The following DPP6 variants were observed in gnomAD, a reference collection of about 807,000 sequenced individuals.
DPP6 encodes dipeptidyl peptidase like 6.
A neutral mutation model predicts 122.6 loss-of-function variants in DPP6; 69 were observed. The ratio of observed to expected loss-of-function variants is 0.56; its 90% CI spans 0.46 to 0.69. The LOEUF (loss-of-function observed/expected upper bound fraction) is 0.69. Ranked by LOEUF, DPP6 falls within the 30% of genes least tolerant of loss-of-function variation. The probability of loss-of-function intolerance (pLI) is 0.00; values close to 1 mark genes in which losing one functional copy is unlikely to be tolerated. For missense variants in DPP6, 928 were observed against 1,116.9 expected (o/e 0.83, Z 2.41); for synonymous variants, 418 against 433.1 (o/e 0.97, Z 0.43).
chr7:154,690,569 C>T (rs898687640), intron 7 of DPP6, among the ~76,000 whole-genome samples: 4 of 152,016 alleles, frequency 2.6e-5, no homozygotes, highest in Admixed American at 6.6e-5. Flanking sequence ...CAGCCTACAG[C>T]GAGAGAGGAA....
At chr7:153,915,701 A>G (rs1800276045) in intron 1 of DPP6, among the ~76,000 whole-genome samples, 1 of 152,212 alleles carries the variant, frequency 6.6e-6, no homozygotes, top group Non-Finnish European at 1.5e-5. Flanking sequence ...CCAGGGGTAC[A>G]GAAAGTCACC....
intron 1 of DPP6, among the ~76,000 whole-genome samples, chr7:154,253,105 G>T (rs992685192): frequency 4.6e-5 from 7 of 152,220 alleles, no homozygotes; most frequent in African/African-American, 1.7e-4. Flanking sequence ...CAAGGCCAAA[G>T]GGAGTGAGTG....
chr7:154,192,574 G>A (rs559424684), intron 1 of DPP6, among the ~76,000 whole-genome samples: 1 of 152,246 alleles, frequency 6.6e-6, no homozygotes, highest in Non-Finnish European at 1.5e-5. Context: ...CAGGGATAAA[G>A]TACTCTTGAA....
At chr7:153,857,475 A>C in the DPP6 span, among the ~76,000 whole-genome samples, 1 of 152,110 alleles carries the variant, frequency 6.6e-6, no homozygotes, top group Non-Finnish European at 1.5e-5. Context: ...CACTTGAAAA[A>C]TTTCCTCTCT....
chr7:153,774,236 A>C, the DPP6 span, among the ~76,000 whole-genome samples: 1 of 152,176 alleles, frequency 6.6e-6, no homozygotes. Context: ...ACAAGTCCGA[A>C]GGCTTTTATA....
chr7:154,796,631 G>GA (rs1798065002), intron 12 of DPP6, among the ~76,000 whole-genome samples: 1 of 152,134 alleles, frequency 6.6e-6, no homozygotes, highest in Non-Finnish European at 1.5e-5. Context: ...AAAGACTCTG[G>GA]AAAAAGTCAA....
chr7:154,835,200 G>A (rs544049507), intron 16 of DPP6, among the ~76,000 whole-genome samples: 6 of 152,228 alleles, frequency 3.9e-5, no homozygotes, highest in East Asian at 1.9e-4. Context: ...GATGGACCCC[G>A]GATCTGATAC....
At chr7:154,787,164 T>G (rs1797386083) in intron 10 of DPP6, among the ~76,000 whole-genome samples, 1 of 152,270 alleles carries the variant, frequency 6.6e-6, no homozygotes, top group East Asian at 1.9e-4. Flanking sequence ...AATAACCATC[T>G]TCTTGTTTAA....
intron 5 of DPP6, among the ~76,000 whole-genome samples, chr7:154,574,961 TTGTGTGG>T (rs1287573062): frequency 2.1e-4 from 29 of 138,648 alleles, no homozygotes; most frequent in African/African-American, 5.2e-4. Context: ...ATGTGTGTTT[TTGTGTGG>T]TGTGTGGTGT....
chr7:154,616,585 C>T (rs1339500536), intron 5 of DPP6, among the ~76,000 whole-genome samples: 5 of 152,220 alleles, frequency 3.3e-5, no homozygotes, highest in East Asian at 3.9e-4. Context: ...CTGTGACTCT[C>T]GGGCGCGAGC....
the DPP6 span, among the ~76,000 whole-genome samples, chr7:153,838,050 A>C: frequency 2.0e-5 from 3 of 152,064 alleles, no homozygotes; most frequent in African/African-American, 7.2e-5. Flanking sequence ...GAGCTACTTC[A>C]GAAAAGAAAG....
chr7:154,216,833 G>GTTT (rs59460372), intron 1 of DPP6, among the ~76,000 whole-genome samples: 2 of 125,676 alleles, frequency 1.6e-5, no homozygotes, highest in African/African-American at 3.0e-5. Flanking sequence ...TGTTACTGTT[G>GTTT]TTTTTTTTTT....
At chr7:153,954,591 T>A (rs1802372259) in intron 1 of DPP6, among the ~76,000 whole-genome samples, 2 of 152,214 alleles carry the variant, frequency 1.3e-5, no homozygotes, top group African/African-American at 4.8e-5. Flanking sequence ...TGTGTGAGTA[T>A]TTTTGGAAGA....
At chr7:154,274,581 T>C (rs923666767) in intron 1 of DPP6, among the ~76,000 whole-genome samples, 2 of 152,208 alleles carry the variant, frequency 1.3e-5, no homozygotes, top group African/African-American at 4.8e-5. Context: ...TGAATGGAGA[T>C]GCTTCCATGC....
chr7:154,759,108 A>G (rs1281023425), intron 8 of DPP6, among the ~76,000 whole-genome samples: 1 of 152,158 alleles, frequency 6.6e-6, no homozygotes, highest in Non-Finnish European at 1.5e-5. Flanking sequence ...TGAAGGGGAG[A>G]AGCTCTGAGA....
chr7:153,767,388 T>C, the DPP6 span, among the ~76,000 whole-genome samples: 1 of 152,130 alleles, frequency 6.6e-6, no homozygotes, highest in Non-Finnish European at 1.5e-5. Flanking sequence ...TTGTTGTTGT[T>C]GTTGGATTCA....
intron 17 of DPP6, among the ~76,000 whole-genome samples, chr7:154,862,032 T>A (rs1803451629): frequency 6.6e-6 from 1 of 152,230 alleles, no homozygotes; most frequent in African/African-American, 2.4e-5. Flanking sequence ...GAGATTCCCC[T>A]TCCATTTTGT....
chr7:154,238,615 A>G (rs1187873504), intron 1 of DPP6, among the ~76,000 whole-genome samples: 1 of 152,198 alleles, frequency 6.6e-6, no homozygotes, highest in African/African-American at 2.4e-5. Flanking sequence ...CAGAGCTGGG[A>G]TTTGAACTCA....
chr7:154,397,222 GT>G (rs200506424), intron 1 of DPP6, among the ~76,000 whole-genome samples: 1,941 of 150,882 alleles, frequency 0.013, 43 homozygotes, highest in African/African-American at 0.042. Flanking sequence ...CACTTCTGAT[GT>G]TTTTTTTCAT....
Sources: allele counts gnomAD v4.1 joint callset (sites outside exome capture counted in the v4.1 genomes callset), GRCh38; gene constraint gnomAD v4.1.1; transcripts MANE v1.5; gene names NCBI Gene and HGNC (gene_info 2026-07-23, HGNC 2026-07-21).